Variants in HLCS observed in about 807,000 individuals in gnomAD.
HLCS encodes holocarboxylase synthetase.
In HLCS, 53 loss-of-function variants were observed where a neutral mutation model predicts 75.0. The ratio of observed to expected loss-of-function variants is 0.71; its 90% CI spans 0.57 to 0.89. The LOEUF (loss-of-function observed/expected upper bound fraction) is 0.89, where lower values mean the gene tolerates loss of function less well. Ranked by LOEUF, HLCS falls within the 40% of genes least tolerant of loss-of-function variation. The pLI is 0.00. For synonymous variants in HLCS, 431 were observed against 428.6 expected, an observed-to-expected ratio of 1.01 and a Z score of -0.07; for missense variants, 966 against 1,074.0, an observed-to-expected ratio of 0.90 and a Z score of 1.41.
chr21:36,990,012 C>G (rs1204103512), intron 1 of HLCS: 1 of 152,256 alleles, frequency 6.6e-6, no homozygotes, highest in Admixed American at 6.5e-5. Flanking sequence ...GCTTTCCGGC[C>G]GTCCCGGCTG....
At chr21:36,979,562 A>G (rs2835556) in intron 1 of HLCS, among the ~76,000 whole-genome samples, 56,515 of 152,000 alleles carry the variant, frequency 0.37, 10,609 homozygotes, top group East Asian at 0.5. Context: ...GTGATTTTTA[A>G]AATGGTTTTA....
Position 36,752,822 on chromosome 21 carries a change from G to T in HLCS, c.*1424C>A, listed in dbSNP as rs2089420286. The stretch of plus-strand genomic sequence containing the variant: ...CTATACTAAAAACCACAAGTTTCTG[G>T]AATTAGCCTGACTGGGTAAGACCTG... On this transcript the variant is annotated 3_prime_UTR_variant, in exon 11 of 11. Transcript: ENST00000674895. 2 of 152,232 alleles carry T rather than the reference G, an allele frequency of 1.3e-5. No individual in the cohort carries two copies. Among genetic ancestry groups the T allele is most frequent in the Non-Finnish European group, 2.9e-5 (2 of 68,038 alleles). 9.4% of individuals were successfully genotyped at this position (152,232 alleles called of 1,614,324 possible). A position where few individuals can be genotyped will look rare whatever the true frequency, so the allele number is the denominator to read the frequency against.
intron 1 of HLCS, among the ~76,000 whole-genome samples, chr21:36,965,741 T>TC (rs972768636): frequency 1.3e-5 from 2 of 151,222 alleles, no homozygotes; most frequent in East Asian, 1.9e-4. Flanking sequence ...ATTTTTTTTT[T>TC]TTTTTCTTAA....
intron 5 of HLCS, among the ~76,000 whole-genome samples, chr21:36,916,871 T>C (rs1175003763): frequency 6.6e-6 from 1 of 152,100 alleles, no homozygotes; most frequent in Non-Finnish European, 1.5e-5. Context: ...ACTAGAGCCG[T>C]TCTCCTGGAA....
chr21:36,955,280 T>C (rs1175726372), intron 2 of HLCS, among the ~76,000 whole-genome samples: 3 of 152,124 alleles, frequency 2.0e-5, no homozygotes, highest in Admixed American at 2.0e-4. Context: ...CGTTAGTTTT[T>C]AGCAAAAAAA....
intron 6 of HLCS, among the ~76,000 whole-genome samples, chr21:36,783,958 C>T (rs2060613062): frequency 6.6e-6 from 1 of 152,096 alleles, no homozygotes; most frequent in Admixed American, 6.5e-5. Flanking sequence ...TCTCCAAGGT[C>T]TTATAAATGA....
chr21:36,865,602 T>C (rs1303890567), intron 6 of HLCS, among the ~76,000 whole-genome samples: 1 of 152,186 alleles, frequency 6.6e-6, no homozygotes, highest in Non-Finnish European at 1.5e-5. Context: ...TCAGTCTTTG[T>C]ACCGTTTTGT....
Position 36,772,727 on chromosome 21 carries a change from G to C in HLCS, c.1893-5442C>G, listed in dbSNP as rs185540772. On this transcript the variant is annotated intron_variant, in intron 6 of 10. Coordinates refer to ENST00000674895, the MANE Select transcript of HLCS (RefSeq NM_001352514.2). ...AGGCCGGGCGTGTTGGTTCACGCCT[G>C]TAATCCCAACACTTTGGGAGGCCAA... Among the ~76,000 whole-genome samples, 257 of 151,886 alleles carry C rather than the reference G, an allele frequency of 1.7e-3. 1 individual carries two copies. The highest frequency in any genetic ancestry group is 4.0e-4 in the Non-Finnish European group (27 of 67,938).
chr21:36,944,894 G>A (rs1241324115), intron 2 of HLCS, among the ~76,000 whole-genome samples: 3 of 152,090 alleles, frequency 2.0e-5, no homozygotes, highest in Non-Finnish European at 4.4e-5. Context: ...AGGCTGAGGC[G>A]GGTGGATCAC....
chr21:36,899,240 T>C (rs1456041389), intron 5 of HLCS, among the ~76,000 whole-genome samples: 1 of 152,208 alleles, frequency 6.6e-6, no homozygotes, highest in Non-Finnish European at 1.5e-5. Context: ...GGGTATGTGT[T>C]ACAGTATTCT....
chr21:36,889,264 C>T (rs924021880), intron 6 of HLCS, among the ~76,000 whole-genome samples: 37 of 152,330 alleles, frequency 2.4e-4, no homozygotes, highest in African/African-American at 8.9e-4. Context: ...CAACCTTGGA[C>T]AACTTATTCA....
intron 6 of HLCS, among the ~76,000 whole-genome samples, chr21:36,798,750 T>A (rs1418630199): frequency 6.6e-6 from 1 of 152,258 alleles, no homozygotes; most frequent in East Asian, 1.9e-4. Context: ...AAGTGGTATC[T>A]TATCATAGTG....
At chr21:36,989,285 A>G (rs914129679) in intron 1 of HLCS, among the ~76,000 whole-genome samples, 6 of 138,402 alleles carry the variant, frequency 4.3e-5, no homozygotes, top group African/African-American at 1.6e-4. Flanking sequence ...TGCTGGGATT[A>G]CAGGCGTGAG....
chr21:36,907,261 GT>G (rs2065500091), intron 5 of HLCS, among the ~76,000 whole-genome samples: 1 of 152,088 alleles, frequency 6.6e-6, no homozygotes, highest in Admixed American at 6.5e-5. Context: ...GGTAGGTAAA[GT>G]TTTTTTCAGA....
intron 5 of HLCS, among the ~76,000 whole-genome samples, chr21:36,929,998 T>A (rs1302001078): frequency 6.6e-6 from 1 of 152,168 alleles, no homozygotes; most frequent in Admixed American, 6.6e-5. Flanking sequence ...GGGACCCTCT[T>A]CCCCCTAACG....
intron 6 of HLCS, among the ~76,000 whole-genome samples, chr21:36,878,800 C>T (rs947634592): frequency 2.6e-5 from 4 of 152,176 alleles, no homozygotes; most frequent in Non-Finnish European, 5.9e-5. Flanking sequence ...GTATGGGGAA[C>T]ATAGTACATT....
chr21:36,772,053 T>G (rs1568986627), intron 6 of HLCS, among the ~76,000 whole-genome samples: 2 of 151,656 alleles, frequency 1.3e-5, no homozygotes, highest in Non-Finnish European at 2.9e-5. Flanking sequence ...TGCAGTTACC[T>G]TGGGGAGTGA....
intron 6 of HLCS, among the ~76,000 whole-genome samples, chr21:36,798,231 G>T (rs1569024944): frequency 1.3e-5 from 2 of 152,160 alleles, no homozygotes; most frequent in Non-Finnish European, 2.9e-5. Flanking sequence ...CAGGTATTTG[G>T]GGGAGGAAGG....
chr21:36,879,742 C>T (rs2064130334), intron 6 of HLCS, among the ~76,000 whole-genome samples: 1 of 151,924 alleles, frequency 6.6e-6, no homozygotes, highest in African/African-American at 2.4e-5. Context: ...GACCTTGTCT[C>T]TACAAAAGCT....
Sources: gnomAD v4.1 joint callset for allele counts (sites outside exome capture counted in the v4.1 genomes callset) on GRCh38, gnomAD v4.1.1 for gene constraint, MANE v1.5 for transcripts, NCBI Gene and HGNC (gene_info 2026-07-23, HGNC 2026-07-21) for gene names.